Variants in MRTFB observed in about 807,000 individuals in gnomAD.
MRTFB encodes myocardin-related transcription factor B.
MRTFB carries 29 observed loss-of-function variants against 104.2 expected under a neutral mutation model. The ratio of observed to expected loss-of-function variants is 0.28; its 90% CI spans 0.21 to 0.38. The LOEUF (loss-of-function observed/expected upper bound fraction) is 0.38. Among genes scored for constraint, MRTFB ranks in the 10% least tolerant of loss-of-function variants. MRTFB has a pLI of 1.00. For missense variants in MRTFB, 1,270 were observed against 1,341.6 expected, an observed-to-expected ratio of 0.95 and a Z score of 0.83; for synonymous variants, 535 against 519.5, an observed-to-expected ratio of 1.03 and a Z score of -0.41.
At chr16:14,136,284 G>GA (rs924891436) in intron 2 of MRTFB, among the ~76,000 whole-genome samples, 1 of 150,400 alleles carries the variant, frequency 6.6e-6, no homozygotes, top group Admixed American at 6.6e-5. Context: ...AAAAAAAAAA[G>GA]AAAAAAAAAG....
chr16:14,232,461 G>A (rs2042307280), intron 8 of MRTFB, among the ~76,000 whole-genome samples: 1 of 152,220 alleles, frequency 6.6e-6, no homozygotes, highest in African/African-American at 2.4e-5. Context: ...CTCTTTGCGG[G>A]CAGAAGTCTG....
the MRTFB span, chr16:14,016,118 G>T: frequency 2.5e-6 from 1 of 396,888 alleles, no homozygotes; most frequent in Non-Finnish European, 4.4e-6. Context: ...GCTTGGCTGT[G>T]TGACTGTAAA....
chr16:14,027,049 T>A, the MRTFB span, among the ~76,000 whole-genome samples: 1 of 152,172 alleles, frequency 6.6e-6, no homozygotes, highest in Non-Finnish European at 1.5e-5. Context: ...ATAGTACTCC[T>A]GCATATTTAT....
chr16:14,192,466 T>A (rs2040230011), intron 3 of MRTFB, among the ~76,000 whole-genome samples: 1 of 152,184 alleles, frequency 6.6e-6, no homozygotes, highest in Admixed American at 6.5e-5. Flanking sequence ...TATTCAGTAT[T>A]TTTAAAAGGT....
At chr16:14,082,143 T>C (rs990455292) in intron 2 of MRTFB, among the ~76,000 whole-genome samples, 2 of 152,268 alleles carry the variant, frequency 1.3e-5, no homozygotes, top group Non-Finnish European at 2.9e-5. Flanking sequence ...TTTTCCTCTA[T>C]GTTTTCTCCT....
At position 14,165,512 on chromosome 16, in the gene MRTFB, C is replaced by T. The variant is rs187726773; in HGVS notation, c.154+24752C>T. 6.6e-5 allele frequency among the ~76,000 whole-genome samples: 10 copies of T among 152,300 alleles called. No homozygotes were observed. In the East Asian group the frequency reaches 1.4e-3, roughly 21 times the overall value. The stretch of plus-strand genomic sequence containing the variant: ...CCTGGACTTTGCCTAGCCATGCGGC[C>T]GCCTTTGCCTTCTGTACCCTGTGCT... On this transcript the variant is annotated intron_variant, in intron 3 of 16. Transcript: ENST00000571589.
chr16:14,261,551 T>C lies in MRTFB; in HGVS notation c.*107T>C. ...TAGTTGCATTGTTGCAATCAAAATA[T>C]GTTGTCACAGAAAGAATAGGTGGAA... On this transcript the variant is annotated 3_prime_UTR_variant, in exon 17 of 17. Transcript: ENST00000571589. The C allele has an allele frequency of 8.5e-7, 1 of 1,177,792 alleles. No homozygotes were observed. The highest frequency in any genetic ancestry group is 1.2e-6 in the Non-Finnish European group (1 of 845,180). 73.0% of individuals were successfully genotyped at this position (1,177,792 alleles called of 1,614,324 possible). A position where few individuals can be genotyped will look rare whatever the true frequency, so the allele number is the denominator to read the frequency against.
intron 6 of MRTFB, among the ~76,000 whole-genome samples, chr16:14,214,370 A>G (rs2041325380): frequency 6.6e-6 from 1 of 152,194 alleles, no homozygotes; most frequent in South Asian, 2.1e-4. Context: ...CAATCTGAAA[A>G]CTTCTCAGAC....
chr16:14,127,654 A>T (rs2037183242), intron 2 of MRTFB, among the ~76,000 whole-genome samples: 1 of 150,696 alleles, frequency 6.6e-6, no homozygotes, highest in Non-Finnish European at 1.5e-5. Flanking sequence ...AAAAAAAAAA[A>T]AAAAAATAAT....
chr16:14,058,071 G>T, the MRTFB span, among the ~76,000 whole-genome samples: 1 of 152,124 alleles, frequency 6.6e-6, no homozygotes, highest in Admixed American at 6.5e-5. Context: ...CGGAGAGCCC[G>T]TATTTTCTTA....
At chr16:13,999,423 G>T in the MRTFB span, among the ~76,000 whole-genome samples, 1 of 151,060 alleles carries the variant, frequency 6.6e-6, no homozygotes, top group South Asian at 2.1e-4. Context: ...CCACACCAAA[G>T]TGACTGGCTC....
the MRTFB span, among the ~76,000 whole-genome samples, chr16:14,040,011 G>T: frequency 4.6e-5 from 7 of 152,132 alleles, no homozygotes; most frequent in African/African-American, 1.2e-4. Flanking sequence ...GCCTCCCAAA[G>T]TGCTGGGATT....
At chr16:14,153,767 T>C (rs1291093092) in intron 3 of MRTFB, among the ~76,000 whole-genome samples, 3 of 152,186 alleles carry the variant, frequency 2.0e-5, no homozygotes, top group African/African-American at 7.2e-5. Context: ...ACCCCAAATG[T>C]TTCATGTACT....
chr16:14,165,394 A>G (rs537362008), intron 3 of MRTFB, among the ~76,000 whole-genome samples: 2 of 152,182 alleles, frequency 1.3e-5, no homozygotes, highest in South Asian at 4.1e-4. Flanking sequence ...GTATGTATTT[A>G]GGCATGCCAC....
intron 3 of MRTFB, chr16:14,143,243 T>C (rs2038108247): frequency 6.6e-6 from 1 of 151,898 alleles, no homozygotes; most frequent in Admixed American, 6.6e-5. Context: ...CATTTTTTAA[T>C]GTTGTCTTTC....
At chr16:14,195,888 A>T (rs1057275267) in intron 3 of MRTFB, among the ~76,000 whole-genome samples, 1 of 152,248 alleles carries the variant, frequency 6.6e-6, no homozygotes, top group African/African-American at 2.4e-5. Context: ...AACTTTAAGG[A>T]TAGAACCAAC....
At chr16:14,031,391 C>CAAA in the MRTFB span, among the ~76,000 whole-genome samples, 3 of 81,184 alleles carry the variant, frequency 3.7e-5, no homozygotes, top group African/African-American at 1.4e-4. Flanking sequence ...GAGGCTGTCT[C>CAAA]AAAAAAAAAA....
In MRTFB at chr16:14,262,697, A is replaced by C. The variant is rs947595048; in HGVS notation, c.*1253A>C. 6.6e-6 allele frequency: 1 copy of C among 152,282 alleles called. No homozygotes were observed. The highest frequency in any genetic ancestry group is 2.4e-5 in the African/African-American group (1 of 41,478). 9.4% of individuals were successfully genotyped at this position (152,282 alleles called of 1,614,324 possible). A position where few individuals can be genotyped will look rare whatever the true frequency, so the allele number is the denominator to read the frequency against. On this transcript the variant is annotated 3_prime_UTR_variant, in exon 17 of 17. Transcript: ENST00000571589. ...TTTTTATATAGAAAACAGTTATTACATATGTGTTAAGTCATTTCTTAAGAA... is the reference window on the plus strand; with the variant it reads ...TTTTTATATAGAAAACAGTTATTACCTATGTGTTAAGTCATTTCTTAAGAA...
At chr16:14,131,143 A>G (rs8058988) in intron 2 of MRTFB, among the ~76,000 whole-genome samples, 22,902 of 152,102 alleles carry the variant, frequency 0.15, 4,213 homozygotes, top group African/African-American at 0.44. Context: ...ATAGTGCTGG[A>G]TTTTGTCCCC....
Sources: gnomAD v4.1 joint callset for allele counts (sites outside exome capture counted in the v4.1 genomes callset) on GRCh38, gnomAD v4.1.1 for gene constraint, MANE v1.5 for transcripts, NCBI Gene and HGNC (gene_info 2026-07-23, HGNC 2026-07-21) for gene names.